GSTCD: variants seen among roughly 807,000 people sequenced by gnomAD.
GSTCD encodes the protein glutathione S-transferase C-terminal domain-containing protein.
GSTCD carries 44 observed loss-of-function variants against 68.3 expected under a neutral mutation model. That is an observed-to-expected ratio of 0.64 (90% CI 0.51 to 0.83). The LOEUF is 0.83. GSTCD is among the 40% of genes least tolerant of loss of function. GSTCD has a pLI of 0.00. For missense variants in GSTCD, 739 were observed against 735.9 expected, an observed-to-expected ratio of 1.00 and a Z score of -0.05; for synonymous variants, 273 against 255.2, an observed-to-expected ratio of 1.07 and a Z score of -0.67.
intron 5 of GSTCD, among the ~76,000 whole-genome samples, chr4:105,777,281 G>A (rs956629859): frequency 1.2e-4 from 19 of 152,008 alleles, no homozygotes; most frequent in Non-Finnish European, 5.9e-5. Context: ...AATCTTAGCC[G>A]ATGTATGTGT....
At chr4:105,808,096 T>G (rs893538725) in intron 5 of GSTCD, among the ~76,000 whole-genome samples, 5 of 152,130 alleles carry the variant, frequency 3.3e-5, no homozygotes, top group African/African-American at 1.2e-4. Flanking sequence ...TATAATAGAC[T>G]AGTCTCAGTC....
At chr4:105,736,409 T>C (rs1235060122) in intron 5 of GSTCD, among the ~76,000 whole-genome samples, 2 of 152,060 alleles carry the variant, frequency 1.3e-5, no homozygotes, top group Non-Finnish European at 2.9e-5. Context: ...CCACTTAGCA[T>C]TGGTTTTTCA....
intron 1 of GSTCD, among the ~76,000 whole-genome samples, chr4:105,710,480 C>G (rs143545291): frequency 6.6e-6 from 1 of 150,886 alleles, no homozygotes; most frequent in Non-Finnish European, 1.5e-5. Flanking sequence ...CCGCCCGCCT[C>G]GGCTTCCCAA....
intron 5 of GSTCD, among the ~76,000 whole-genome samples, chr4:105,745,801 A>G (rs781586179): frequency 6.6e-6 from 1 of 152,238 alleles, no homozygotes; most frequent in Non-Finnish European, 1.5e-5. Flanking sequence ...ATGACCTTAC[A>G]TAAGATAAAG....
chr4:105,840,096 C>T, intron 10 of GSTCD: 1 of 399,422 alleles, frequency 2.5e-6, no homozygotes, highest in Non-Finnish European at 5.1e-6. Flanking sequence ...GTGCCTTGCC[C>T]TTTCAGAACT....
chr4:105,771,511 T>C (rs963643090), intron 5 of GSTCD, among the ~76,000 whole-genome samples: 1 of 152,230 alleles, frequency 6.6e-6, no homozygotes, highest in African/African-American at 2.4e-5. Context: ...AGGTCTAACA[T>C]TTAAGTCTTT....
chr4:105,738,861 G>C (rs1309327756), intron 5 of GSTCD, among the ~76,000 whole-genome samples: 2 of 152,106 alleles, frequency 1.3e-5, no homozygotes, highest in African/African-American at 2.4e-5. Context: ...CTAGGACTTA[G>C]TAGGATTCAG....
Position 105,750,317 on chromosome 4 carries a change from G to A in GSTCD, c.1240+20818G>A, listed in dbSNP as rs574324792. Among the ~76,000 whole-genome samples the A allele has an allele frequency of 3.3e-3, 500 of 151,996 alleles. 1 individual carries two copies. The highest frequency in any genetic ancestry group is 5.0e-3 in the Non-Finnish European group (342 of 67,944). ...CTCTACTAAAAATACAAAATTAGCCGGGCATGGTGGTGCATGCCTGTAATC... is the reference window on the plus strand; with the variant it reads ...CTCTACTAAAAATACAAAATTAGCCAGGCATGGTGGTGCATGCCTGTAATC... On this transcript the variant is annotated intron_variant, in intron 5 of 11. Transcript: ENST00000515279.
At position 105,825,799 on chromosome 4, in the gene GSTCD, G is replaced by T; in HGVS notation, c.1529G>T (p.Gly510Val). 2 of 1,523,170 alleles carry T rather than the reference G, an allele frequency of 1.3e-6. No homozygotes were observed. Among genetic ancestry groups the T allele is most frequent in the South Asian group, 2.3e-5 (2 of 86,132 alleles). 94.4% of individuals were successfully genotyped at this position (1,523,170 alleles called of 1,614,324 possible). Reference protein sequence around the residue: ...MEYFTGMFNIGVALHACGVAT... With the variant: ...MEYFTGMFNIVVALHACGVAT... ...TATTTTACTGGGATGTTTAATATTG[G>T]AGTAAGTAATCAAGTAATTTCAATT... Residue 510 changes from glycine (G) to valine (V), a missense_variant and splice_region_variant, in exon 8 of 12, where the codon GGA becomes GTA. Gly to Val is a moderately radical substitution (Grantham distance 109). Coordinates refer to ENST00000515279, the MANE Select transcript of GSTCD (RefSeq NM_001370181.1).
At chr4:105,736,139 T>A (rs1733455851) in intron 5 of GSTCD, among the ~76,000 whole-genome samples, 1 of 152,156 alleles carries the variant, frequency 6.6e-6, no homozygotes, top group African/African-American at 2.4e-5. Flanking sequence ...ATTTTATATT[T>A]TGTGTTTCTA....
At chr4:105,837,022 A>C (rs1724148801) in intron 9 of GSTCD, among the ~76,000 whole-genome samples, 1 of 152,198 alleles carries the variant, frequency 6.6e-6, no homozygotes, top group South Asian at 2.1e-4. Flanking sequence ...AATAAAAGAC[A>C]ATGTTTATGG....
At chr4:105,756,556 GTA>G (rs1264656592) in intron 5 of GSTCD, among the ~76,000 whole-genome samples, 79 of 119,932 alleles carry the variant, frequency 6.6e-4, no homozygotes, top group Admixed American at 4.2e-3. Context: ...ATACATATAT[GTA>G]TATATATGTG....
At chr4:105,834,434 G>C (rs745775041) in intron 8 of GSTCD, 27 bp from the exon 9 acceptor site, 46 of 1,608,982 alleles carry the variant, frequency 2.9e-5, no homozygotes, top group Non-Finnish European at 3.7e-5. Context: ...AGGGAACTTA[G>C]TGCTAAGGCC....
intron 5 of GSTCD, among the ~76,000 whole-genome samples, chr4:105,766,887 CTTTTTTT>C: frequency 0.14 from 7,955 of 57,282 alleles, 445 homozygotes; most frequent in Middle Eastern, 0.29. Flanking sequence ...GTTTTTGACT[CTTTTTTT>C]TTTTTTTTTT....
At chr4:105,756,518 AC>A (rs1734199195) in intron 5 of GSTCD, among the ~76,000 whole-genome samples, 1 of 150,264 alleles carries the variant, frequency 6.7e-6, no homozygotes, top group Non-Finnish European at 1.5e-5. Context: ...ACACACACAC[AC>A]ACACACACGT....
chr4:105,764,937 C>T (rs562420897), intron 5 of GSTCD, among the ~76,000 whole-genome samples: 85 of 152,206 alleles, frequency 5.6e-4, no homozygotes, highest in African/African-American at 1.8e-3. Context: ...TTTGTATTCA[C>T]TTTATATCTT....
chr4:105,747,043 A>G (rs1733828641), intron 5 of GSTCD, among the ~76,000 whole-genome samples: 1 of 152,222 alleles, frequency 6.6e-6, no homozygotes, highest in Admixed American at 6.5e-5. Context: ...GTGAAGAATG[A>G]AAGGGCTAAA....
At chr4:105,786,688 T>C (rs2149252729) in intron 5 of GSTCD, among the ~76,000 whole-genome samples, 1 of 152,142 alleles carries the variant, frequency 6.6e-6, no homozygotes, top group Admixed American at 6.5e-5. Context: ...AGTATCTGAG[T>C]AGACATTTCT....
intron 5 of GSTCD, among the ~76,000 whole-genome samples, chr4:105,733,162 C>G (rs2149215100): frequency 6.6e-6 from 1 of 152,248 alleles, no homozygotes; most frequent in African/African-American, 2.4e-5. Context: ...AATGTATATT[C>G]TGTTGATTTG....
Sources: allele counts gnomAD v4.1 joint callset (sites outside exome capture counted in the v4.1 genomes callset), GRCh38; gene constraint gnomAD v4.1.1; transcripts MANE v1.5; gene names NCBI Gene and HGNC (gene_info 2026-07-23, HGNC 2026-07-21).